UBQLN1: variants seen among roughly 807,000 people sequenced by gnomAD.
UBQLN1 encodes the protein ubiquilin 1, also known as ubiquilin-1.
In UBQLN1, 13 loss-of-function variants were observed where a neutral mutation model predicts 65.4. The observed-to-expected ratio is 0.20, with a 90% CI of 0.13 to 0.32. The LOEUF is 0.32. UBQLN1 is among the 10% of genes least tolerant of loss of function. The pLI is 1.00. For missense variants in UBQLN1, 561 were observed against 724.0 expected, an observed-to-expected ratio of 0.77 and a Z score of 2.58; for synonymous variants, 267 against 247.8, an observed-to-expected ratio of 1.08 and a Z score of -0.73.
At chr9:83,689,635 T>C (rs1832094270) in intron 1 of UBQLN1, among the ~76,000 whole-genome samples, 1 of 152,132 alleles carries the variant, frequency 6.6e-6, no homozygotes, top group Non-Finnish European at 1.5e-5. Context: ...ACCAAAAAGA[T>C]AACAAGAAAT....
At chr9:83,680,351 G>C (rs1373057494) in intron 3 of UBQLN1, among the ~76,000 whole-genome samples, 2 of 151,980 alleles carry the variant, frequency 1.3e-5, no homozygotes, top group East Asian at 3.9e-4. Flanking sequence ...TGAGTGACAG[G>C]AGTATCTTTT....
At chr9:83,678,710 T>A in intron 4 of UBQLN1, 111 bp from the exon 5 acceptor site, 2 of 1,185,028 alleles carry the variant, frequency 1.7e-6, no homozygotes, top group Non-Finnish European at 2.4e-6. Context: ...AGGCCACTGT[T>A]TTGTTTTGTT....
chr9:83,695,238 G>C (rs377229309), intron 1 of UBQLN1, among the ~76,000 whole-genome samples: 1 of 132,160 alleles, frequency 7.6e-6, no homozygotes, highest in African/African-American at 2.8e-5. Flanking sequence ...TCACTCTGTC[G>C]CCCAGGCTGG....
At chr9:83,706,101 C>T (rs763460645) in intron 1 of UBQLN1, among the ~76,000 whole-genome samples, 2 of 146,942 alleles carry the variant, frequency 1.4e-5, no homozygotes, top group African/African-American at 2.6e-5. Flanking sequence ...CAACCATATG[C>T]ATTTCACTGC....
At position 83,707,604 on chromosome 9, in the gene UBQLN1, G is replaced by C. The variant is rs1564176304; in HGVS notation, c.76C>G (p.Pro26Ala). The C allele has an allele frequency of 1.3e-6, 2 of 1,598,188 alleles. No homozygotes were observed. The highest frequency in any genetic ancestry group is 1.7e-6 in the Non-Finnish European group (2 of 1,173,158). Residue 26 changes from proline to alanine, a missense_variant, in exon 1 of 11, where the codon CCC becomes GCC. This residue lies in a region of UBQLN1 where 101 missense variants were observed against 104.9 expected (regional missense o/e 0.96). Transcript: ENST00000376395. ...GGCTCCGCGGAGGCAGCGGCCGCGG[G>C]GGCGCCAGCACCTTCGGCTCCGGCG... ...SAAGAEGAGA[P>A]AAAASAEPKI...
intron 8 of UBQLN1, 85 bp from the exon 9 acceptor site, chr9:83,665,230 G>A (rs1321126232): frequency 2.0e-6 from 2 of 1,024,380 alleles, no homozygotes; most frequent in Middle Eastern, 2.2e-4. Flanking sequence ...TTATGCTTCT[G>A]GAGAAAATCT....
chr9:83,707,491 C>A lies in UBQLN1; in HGVS notation c.180+9G>T, dbSNP rs768609696. The A allele has an allele frequency of 1.4e-5, 22 of 1,601,898 alleles. No individual in the cohort carries two copies. Among genetic ancestry groups the A allele is most frequent in the Admixed American group, 1.7e-5 (1 of 58,740 alleles). On this transcript the variant is annotated intron_variant, in intron 1 of 10. Coordinates refer to ENST00000376395, the MANE Select transcript of UBQLN1 (RefSeq NM_013438.5). ...CCCCCATCCCGGCCCGAGCCCCAGG[C>A]GGCCTCACCTGCTGGACGGAGCTAT...
chr9:83,691,907 A>T (rs563287897), intron 1 of UBQLN1, among the ~76,000 whole-genome samples: 2 of 152,256 alleles, frequency 1.3e-5, no homozygotes, highest in Non-Finnish European at 2.9e-5. Flanking sequence ...AGGGAACTAC[A>T]GACAACTGCA....
intron 6 of UBQLN1, among the ~76,000 whole-genome samples, chr9:83,671,582 T>C (rs1203473880): frequency 3.3e-5 from 5 of 152,254 alleles, no homozygotes; most frequent in South Asian, 2.1e-4. Flanking sequence ...TTGAAAGGAA[T>C]CTTTTCCTTA....
chr9:83,669,450 A>G (rs185149755), intron 6 of UBQLN1, 123 bp from the exon 7 acceptor site: 1 of 918,838 alleles, frequency 1.1e-6, no homozygotes, highest in African/African-American at 1.7e-5. Context: ...CATATTATGT[A>G]TCAACTGAAC....
At chr9:83,687,533 G>C (rs1406867360) in intron 1 of UBQLN1, among the ~76,000 whole-genome samples, 1 of 152,144 alleles carries the variant, frequency 6.6e-6, no homozygotes, top group Non-Finnish European at 1.5e-5. Context: ...CTGCCAAGAA[G>C]GTGTTTTGGA....
chr9:83,707,116 A>G (rs1044869162), intron 1 of UBQLN1, among the ~76,000 whole-genome samples: 1 of 152,066 alleles, frequency 6.6e-6, no homozygotes, highest in African/African-American at 2.4e-5. Context: ...AGCCTGAGCT[A>G]AAGCGAACCC....
chr9:83,663,840 A>G (rs1183489069), intron 10 of UBQLN1, 35 bp downstream of exon 10: 2 of 1,582,778 alleles, frequency 1.3e-6, no homozygotes, highest in Non-Finnish European at 1.7e-6. Flanking sequence ...TCCAACATTA[A>G]GGAATACAAA....
chr9:83,664,397 C>T (rs1239880169), intron 9 of UBQLN1, among the ~76,000 whole-genome samples: 1 of 152,000 alleles, frequency 6.6e-6, no homozygotes, highest in Middle Eastern at 3.4e-3. Context: ...CCAGTCTGCT[C>T]GATGGAGTGA....
intron 1 of UBQLN1, among the ~76,000 whole-genome samples, chr9:83,699,973 G>T (rs1013012160): frequency 6.6e-6 from 1 of 152,196 alleles, no homozygotes; most frequent in African/African-American, 2.4e-5. Flanking sequence ...GCCACAGTGA[G>T]AATATTTACA....
At position 83,693,250 on chromosome 9, in the gene UBQLN1, CATCATCCAAA is replaced by C. The variant is rs1415184465; in HGVS notation, c.181-7105_181-7096del. ...CTTTCAGCAACCCCATTTTTTTCAA[CATCATCCAAA>C]AGCCAGGTGTTGCACATGAGTGGAT... On this transcript the variant is annotated intron_variant, in intron 1 of 10. Coordinates refer to ENST00000376395, the MANE Select transcript of UBQLN1 (RefSeq NM_013438.5). Among the ~76,000 whole-genome samples the C allele has an allele frequency of 2.0e-5, 3 of 152,276 alleles. No individual in the cohort carries two copies. The South Asian group carries it at 6.2e-4, about 32-fold the overall frequency.
At chr9:83,691,243 A>C (rs910023805) in intron 1 of UBQLN1, among the ~76,000 whole-genome samples, 1 of 152,154 alleles carries the variant, frequency 6.6e-6, no homozygotes, top group Non-Finnish European at 1.5e-5. Context: ...ACTGAAAGGA[A>C]ATGGAATGAA....
chr9:83,700,985 G>A (rs533844378), intron 1 of UBQLN1, among the ~76,000 whole-genome samples: 2 of 152,236 alleles, frequency 1.3e-5, no homozygotes, highest in African/African-American at 4.8e-5. Flanking sequence ...CTGACCAGTA[G>A]GCTACTGCAG....
chr9:83,676,114 G>C (rs950987301), intron 6 of UBQLN1, among the ~76,000 whole-genome samples: 4 of 152,234 alleles, frequency 2.6e-5, no homozygotes, highest in Admixed American at 2.6e-4. Context: ...CAGGACCAAA[G>C]AAGAGTCAAG....
Sources: allele counts gnomAD v4.1 joint callset (sites outside exome capture counted in the v4.1 genomes callset), GRCh38; gene constraint gnomAD v4.1.1; regional missense constraint gnomAD v4.1.1; transcripts MANE v1.5; gene names NCBI Gene and HGNC (gene_info 2026-07-23, HGNC 2026-07-21).